Variants in TAOK3 observed in about 807,000 individuals in gnomAD.
TAOK3 encodes the protein serine/threonine-protein kinase TAO3.
In TAOK3, 40 loss-of-function variants were observed where a neutral mutation model predicts 120.4. That is an observed-to-expected ratio of 0.33 (90% confidence interval 0.26 to 0.43). The LOEUF is 0.43. TAOK3 is among the 20% of genes least tolerant of loss of function. TAOK3 has a pLI of 1.00. For missense variants in TAOK3, 821 were observed against 1,112.1 expected, an observed-to-expected ratio of 0.74 and a Z score of 3.72; for synonymous variants, 355 against 387.5, an observed-to-expected ratio of 0.92 and a Z score of 0.99.
At chr12:118,217,817 A>AGTGTG (rs1565963623) in intron 9 of TAOK3, among the ~76,000 whole-genome samples, 679 of 22,224 alleles carry the variant, frequency 0.031, 21 homozygotes, top group South Asian at 0.04. Flanking sequence ...GTGTGTATAC[A>AGTGTG]TATATATATA....
At chr12:118,258,409 C>T (rs1415861583) in intron 2 of TAOK3, among the ~76,000 whole-genome samples, 1 of 152,050 alleles carries the variant, frequency 6.6e-6, no homozygotes, top group East Asian at 1.9e-4. Context: ...TAAATGAAAG[C>T]ACAAAATGAG....
At chr12:118,181,906 C>T (rs550065726) in intron 14 of TAOK3, among the ~76,000 whole-genome samples, 10 of 152,268 alleles carry the variant, frequency 6.6e-5, no homozygotes, top group Non-Finnish European at 1.2e-4. Context: ...TTATTCAGGC[C>T]GGGCACGATG....
At chr12:118,289,102 A>G (rs1006634097) in intron 1 of TAOK3, among the ~76,000 whole-genome samples, 3 of 151,610 alleles carry the variant, frequency 2.0e-5, no homozygotes, top group African/African-American at 7.3e-5. Flanking sequence ...GAGTTCAAGA[A>G]ACAGCTTGGC....
At chr12:118,295,805 T>C (rs555869817) in intron 1 of TAOK3, among the ~76,000 whole-genome samples, 7 of 152,338 alleles carry the variant, frequency 4.6e-5, no homozygotes, top group Non-Finnish European at 1.5e-5. Flanking sequence ...CATAAAAATC[T>C]TCTCTTTATA....
At chr12:118,237,346 T>G (rs1219999548) in intron 7 of TAOK3, among the ~76,000 whole-genome samples, 1 of 152,166 alleles carries the variant, frequency 6.6e-6, no homozygotes, top group Non-Finnish European at 1.5e-5. Context: ...CCTCCCCTCA[T>G]TCATTAATGT....
At chr12:118,278,112 C>T (rs2041967971) in intron 1 of TAOK3, among the ~76,000 whole-genome samples, 1 of 151,088 alleles carries the variant, frequency 6.6e-6, no homozygotes, top group Non-Finnish European at 1.5e-5. Flanking sequence ...TTTTTTTTTG[C>T]ACCCAGCAAT....
intron 3 of TAOK3, among the ~76,000 whole-genome samples, chr12:118,250,285 TA>T (rs2040692728): frequency 6.6e-6 from 1 of 152,244 alleles, no homozygotes; most frequent in Admixed American, 6.5e-5. Context: ...CAAAATTACT[TA>T]CGTAAATCCA....
intron 3 of TAOK3, among the ~76,000 whole-genome samples, chr12:118,253,331 T>C (rs1029657087): frequency 1.3e-5 from 2 of 152,230 alleles, no homozygotes; most frequent in African/African-American, 4.8e-5. Flanking sequence ...TAATGTTTGA[T>C]TACAAAGAAA....
chr12:118,332,440 A>C (rs2044191088), intron 1 of TAOK3, among the ~76,000 whole-genome samples: 1 of 152,106 alleles, frequency 6.6e-6, no homozygotes, highest in African/African-American at 2.4e-5. Context: ...TTTTTAAAGA[A>C]TTCACTGTTT....
rs142232037 is a variant in TAOK3, at chr12:118,322,846, C to T, written c.-194+49802G>A. 1.2e-3 allele frequency among the ~76,000 whole-genome samples: 185 copies of T among 151,312 alleles called. 1 individual carries two copies. The highest frequency in any genetic ancestry group is 4.3e-3 in the African/African-American group (175 of 41,166). Reference sequence around the variant, plus strand: ...GTTCAAGCAACTCTCCTGCCTCAGCCTCCCGAGTAGCTGGGATTACAGGTG... The same window carrying T: ...GTTCAAGCAACTCTCCTGCCTCAGCTTCCCGAGTAGCTGGGATTACAGGTG... On this transcript the variant is annotated intron_variant, in intron 1 of 20. Transcript: ENST00000392533.
intron 1 of TAOK3, among the ~76,000 whole-genome samples, chr12:118,330,408 T>TA (rs1593570548): frequency 6.6e-6 from 1 of 152,232 alleles, no homozygotes; most frequent in Non-Finnish European, 1.5e-5. Context: ...AAGCGAGTTT[T>TA]AAAATATGCC....
At chr12:118,185,995 A>G (rs1172820329) in intron 14 of TAOK3, among the ~76,000 whole-genome samples, 1 of 152,230 alleles carries the variant, frequency 6.6e-6, no homozygotes, top group African/African-American at 2.4e-5. Flanking sequence ...AGGATGAAAC[A>G]GTAGCATTTA....
intron 1 of TAOK3, among the ~76,000 whole-genome samples, chr12:118,331,607 T>G (rs577292767): frequency 1.6e-5 from 2 of 128,140 alleles, no homozygotes; most frequent in African/African-American, 3.1e-5. Context: ...AACATACCAC[T>G]GCACTCCAGC....
At chr12:118,338,980 C>A (rs2044486301) in intron 1 of TAOK3, among the ~76,000 whole-genome samples, 1 of 151,822 alleles carries the variant, frequency 6.6e-6, no homozygotes. Context: ...ATAAGAAAAG[C>A]ATTGCGTACC....
chr12:118,330,909 G>A (rs1241685268), intron 1 of TAOK3, among the ~76,000 whole-genome samples: 1 of 152,098 alleles, frequency 6.6e-6, no homozygotes, highest in Admixed American at 6.5e-5. Flanking sequence ...GTGAAAATGT[G>A]GGACATCTGT....
At chr12:118,361,207 C>T (rs1394118780) in intron 1 of TAOK3, among the ~76,000 whole-genome samples, 1 of 152,110 alleles carries the variant, frequency 6.6e-6, no homozygotes, top group African/African-American at 2.4e-5. Context: ...GACTTTAATG[C>T]CTAAAAGCCA....
At chr12:118,154,730 C>T (rs985602739) in intron 19 of TAOK3, among the ~76,000 whole-genome samples, 1 of 152,004 alleles carries the variant, frequency 6.6e-6, no homozygotes, top group Non-Finnish European at 1.5e-5. Flanking sequence ...TGTGAGCCAC[C>T]GTGCCCAGCT....
At chr12:118,265,439 A>AAC (rs370771436) in intron 2 of TAOK3, among the ~76,000 whole-genome samples, 2 of 151,414 alleles carry the variant, frequency 1.3e-5, no homozygotes, top group Non-Finnish European at 2.9e-5. Context: ...CAGAGAGGTG[A>AAC]ACACACACAC....
At chr12:118,351,001 A>C (rs766530184) in intron 1 of TAOK3, among the ~76,000 whole-genome samples, 3 of 152,002 alleles carry the variant, frequency 2.0e-5, no homozygotes, top group Non-Finnish European at 4.4e-5. Context: ...CAACGTGGTG[A>C]AACCCCATCT....
Sources: gnomAD v4.1 joint callset for allele counts (sites outside exome capture counted in the v4.1 genomes callset) on GRCh38, gnomAD v4.1.1 for gene constraint, MANE v1.5 for transcripts, NCBI Gene and HGNC (gene_info 2026-07-23, HGNC 2026-07-21) for gene names.